Variants in LRRIQ4 observed in about 807,000 individuals in gnomAD.
LRRIQ4 encodes leucine rich repeats and IQ motif containing 4, also known as leucine-rich repeat and IQ domain-containing protein 4.
In LRRIQ4, 21 loss-of-function variants were observed where a neutral mutation model predicts 40.1. The observed-to-expected ratio is 0.52, with a 90% CI of 0.37 to 0.75. LRRIQ4 has a LOEUF of 0.75. Among genes scored for constraint, LRRIQ4 ranks in the 30% least tolerant of loss-of-function variants. The probability of loss-of-function intolerance (pLI) is 0.00; values close to 1 mark genes in which losing one functional copy is unlikely to be tolerated. For missense variants in LRRIQ4, 655 were observed against 660.0 expected (o/e 0.99, Z 0.08); for synonymous variants, 277 against 277.1 (o/e 1.00, Z 0.00).
chr3:169,831,752 T>C (rs1016271808), intron 4 of LRRIQ4, among the ~76,000 whole-genome samples: 1 of 150,886 alleles, frequency 6.6e-6, no homozygotes, highest in Non-Finnish European at 1.5e-5. Context: ...GCAGATCACC[T>C]GAGGTTAGGA....
chr3:169,836,280 C>T (rs1163312716), intron 5 of LRRIQ4, among the ~76,000 whole-genome samples: 1 of 151,902 alleles, frequency 6.6e-6, no homozygotes, highest in Non-Finnish European at 1.5e-5. Flanking sequence ...TCAGAGTAGG[C>T]CTCACTGAAA....
At chr3:169,835,444 T>A (rs1780284374) in intron 5 of LRRIQ4, among the ~76,000 whole-genome samples, 1 of 150,886 alleles carries the variant, frequency 6.6e-6, no homozygotes, top group South Asian at 2.1e-4. Context: ...AAGATTCAGG[T>A]GGGTGCAAGC....
At position 169,837,725 on chromosome 3, in the gene LRRIQ4, T is replaced by C. The variant is rs952924509; in HGVS notation, c.*94T>C. On this transcript the variant is annotated 3_prime_UTR_variant, in exon 6 of 6. Transcript: ENST00000340806. Reference sequence around the variant, plus strand: ...ATGCCTACTACATTAAAATTATTCATAAAATTACACTTATGTGTAAAAATA... The same window carrying C: ...ATGCCTACTACATTAAAATTATTCACAAAATTACACTTATGTGTAAAAATA... 1.2e-4 allele frequency: 112 copies of C among 959,748 alleles called. 1 individual carries two copies. In the African/African-American group the frequency reaches 1.8e-3, roughly 15 times the overall value. The allele number at this position is 959,748 out of a possible 1,614,324, so 59.5% of individuals were successfully genotyped here.
rs749270797 is a variant in LRRIQ4 at position 169,828,852 on chromosome 3, G to C, written c.1114G>C (p.Ala372Pro). Reference protein sequence around the residue: ...LSFPEEVLSLASLEKLYIGQD... With the variant: ...LSFPEEVLSLPSLEKLYIGQD... ...CTTTCCGGAGGAAGTCCTTTCTTTA[G>C]CGTCTTTAGAGAAATTATACATTGG... The change falls in exon 3 of 6, where the codon GCG (alanine) becomes CCG (proline). Residue 372 changes from alanine (A) to proline (P), a missense_variant. By Grantham distance (27) the Ala-to-Pro change is conservative. Coordinates refer to ENST00000340806, the MANE Select transcript of LRRIQ4 (RefSeq NM_001080460.3). The C allele has an allele frequency of 1.3e-5, 21 of 1,613,674 alleles. No homozygotes were observed. Among genetic ancestry groups the C allele is most frequent in the East Asian group, 4.5e-5 (2 of 44,880 alleles).
intron 2 of LRRIQ4, among the ~76,000 whole-genome samples, chr3:169,827,394 TC>T (rs1452789610): frequency 3.3e-5 from 5 of 151,918 alleles, no homozygotes; most frequent in African/African-American, 1.2e-4. Flanking sequence ...GACCACGAGG[TC>T]AGGAGATCGA....
At chr3:169,817,051 C>T (rs1779784405) in intron 1 of LRRIQ4, among the ~76,000 whole-genome samples, 2 of 152,044 alleles carry the variant, frequency 1.3e-5, no homozygotes, top group African/African-American at 4.8e-5. Context: ...AAGTTTTCTG[C>T]TTTTTTGATG....
chr3:169,825,398 T>C (rs1780020831), intron 2 of LRRIQ4, among the ~76,000 whole-genome samples: 1 of 152,160 alleles, frequency 6.6e-6, no homozygotes, highest in Non-Finnish European at 1.5e-5. Flanking sequence ...GAAGTAAACA[T>C]TTTGATGGTA....
At position 169,822,359 on chromosome 3, in the gene LRRIQ4, G is replaced by A. The variant is rs1287416749; in HGVS notation, c.438G>A (p.Leu146=). Residue 146 remains leucine (L), a synonymous_variant, in exon 2 of 6, where the codon CTG becomes CTA. Coordinates refer to ENST00000340806, the MANE Select transcript of LRRIQ4 (RefSeq NM_001080460.3). The stretch of plus-strand genomic sequence containing the variant: ...TTAAAAACCTCCACCATCTCGAGCT[G>A]CTCGGACTGACCGGAAACCACCTGA... ...VIFKNLHHLE[L]LGLTGNHLKC... The A allele has an allele frequency of 1.2e-6, 2 of 1,613,202 alleles. No homozygotes were observed. The highest frequency in any genetic ancestry group is 2.7e-5 in the African/African-American group (2 of 74,898).
intron 4 of LRRIQ4, among the ~76,000 whole-genome samples, chr3:169,832,130 T>C (rs1252834169): frequency 6.6e-6 from 1 of 151,896 alleles, no homozygotes; most frequent in East Asian, 1.9e-4. Flanking sequence ...TATTTTTCTG[T>C]CTCTAATATT....
At chr3:169,828,734 A>G in intron 2 of LRRIQ4, 25 bp from the exon 3 acceptor site, 1 of 1,598,280 alleles carries the variant, frequency 6.3e-7, no homozygotes, top group South Asian at 1.1e-5. Context: ...TTGACCTGAA[A>G]CTTATCTTTT....
In LRRIQ4 at chr3:169,833,028, C is replaced by A. The variant is rs1002946974; in HGVS notation, c.1375C>A (p.Leu459Ile). The stretch of plus-strand genomic sequence containing the variant: ...GCTGGAGGACAACTTGCTCACCCAT[C>A]TTCCAGAGAATTTGGATTCCCTAGT... ...LRLEDNLLTH[L>I]PENLDSLVNL... Residue 459 changes from leucine to isoleucine, a missense_variant, in exon 5 of 6, where the codon CTT (leucine) becomes ATT (isoleucine). Transcript: ENST00000340806. 5 of 1,613,388 alleles carry A rather than the reference C, an allele frequency of 3.1e-6. No individual in the cohort carries two copies. The highest frequency in any genetic ancestry group is 2.7e-5 in the African/African-American group (2 of 74,920).
intron 5 of LRRIQ4, among the ~76,000 whole-genome samples, chr3:169,833,710 C>A (rs1043883359): frequency 1.3e-5 from 2 of 152,138 alleles, no homozygotes; most frequent in African/African-American, 4.8e-5. Flanking sequence ...TGGCCCAAGT[C>A]CCCATCATCT....
At chr3:169,832,100 C>T (rs1780193204) in intron 4 of LRRIQ4, among the ~76,000 whole-genome samples, 1 of 151,916 alleles carries the variant, frequency 6.6e-6, no homozygotes, top group Admixed American at 6.6e-5. Context: ...GAAATATTCT[C>T]AAAATTTTTC....
At position 169,822,197 on chromosome 3, in the gene LRRIQ4, G is replaced by T. The variant is rs375010753; in HGVS notation, c.276G>T (p.Leu92=). ...GGAGCCTGTGCCCGGCGCTGGGGCT[G>T]CTGAGCAGCCTGGAGAGCCTGGACC... ...NLRSLCPALG[L]LSSLESLDLS... The change falls in exon 2 of 6, where the codon CTG becomes CTT. Residue 92 remains leucine, a synonymous_variant. Transcript: ENST00000340806. The T allele has an allele frequency of 1.9e-6, 3 of 1,602,416 alleles. No homozygotes were observed. The South Asian group carries it at 3.4e-5, about 18-fold the overall frequency.
intron 2 of LRRIQ4, among the ~76,000 whole-genome samples, chr3:169,824,801 C>A (rs1433677049): frequency 1.3e-5 from 2 of 151,958 alleles, no homozygotes; most frequent in Non-Finnish European, 2.9e-5. Flanking sequence ...GTGTAAGCCA[C>A]CATGGCTGGC....
chr3:169,834,939 T>C lies in LRRIQ4; in HGVS notation c.1530+1756T>C, dbSNP rs188492939. The stretch of plus-strand genomic sequence containing the variant: ...CAAATTTTAATAATTATTAGACATA[T>C]AGGATTTTTTAGAACAGTGTACCAA... On this transcript the variant is annotated intron_variant, in intron 5 of 5. Transcript: ENST00000340806. Among the ~76,000 whole-genome samples, 68 of 152,196 alleles carry C rather than the reference T, an allele frequency of 4.5e-4. 1 individual carries two copies. Among genetic ancestry groups the C allele is most frequent in the East Asian group, 2.9e-3 (15 of 5,188 alleles).
At chr3:169,831,326 T>C (rs1453500612) in intron 4 of LRRIQ4, among the ~76,000 whole-genome samples, 1 of 132,986 alleles carries the variant, frequency 7.5e-6, no homozygotes, top group African/African-American at 2.9e-5. Flanking sequence ...CAGGCTGGAG[T>C]GCAGTGGCGT....
intron 1 of LRRIQ4, among the ~76,000 whole-genome samples, chr3:169,818,895 GTCTTACCTA>G (rs2108264310): frequency 6.6e-6 from 1 of 152,260 alleles, no homozygotes; most frequent in Non-Finnish European, 1.5e-5. Context: ...CAGGAACCTA[GTCTTACCTA>G]TCTAGTTTGT....
chr3:169,825,464 A>C (rs959525630), intron 2 of LRRIQ4, among the ~76,000 whole-genome samples: 2 of 152,176 alleles, frequency 1.3e-5, no homozygotes, highest in African/African-American at 4.8e-5. Context: ...GTAGCAACTC[A>C]CCTTGGAGGA....
Sources: gnomAD v4.1 joint callset for allele counts (sites outside exome capture counted in the v4.1 genomes callset) on GRCh38, gnomAD v4.1.1 for gene constraint, MANE v1.5 for transcripts, NCBI Gene and HGNC (gene_info 2026-07-23, HGNC 2026-07-21) for gene names.